The following SEMA5A variants were observed in gnomAD, a reference collection of about 807,000 sequenced individuals.
The protein encoded by SEMA5A is semaphorin-5A.
SEMA5A carries 55 observed loss-of-function variants against 135.5 expected under a neutral mutation model. The ratio of observed to expected loss-of-function variants is 0.41; its 90% CI spans 0.33 to 0.51. The LOEUF is 0.51. SEMA5A is among the 20% of genes least tolerant of loss of function. The pLI, the probability that SEMA5A is intolerant of heterozygous loss-of-function variation, is 0.37. For synonymous variants in SEMA5A, 580 were observed against 546.5 expected (o/e 1.06, Z -0.85); for missense variants, 1,290 against 1,419.9 (o/e 0.91, Z 1.47).
rs1748504478 is a variant in SEMA5A at position 9,246,794 on chromosome 5, C to G, written c.271-8904G>C. On this transcript the variant is annotated intron_variant, in intron 5 of 22. Transcript: ENST00000382496. ...CTTGACCAACACTAGGAAAACACAA[C>G]TTGATATAATGAAGCCTGCCTTGAA... Among the ~76,000 whole-genome samples the G allele has an allele frequency of 2.0e-5, 3 of 152,128 alleles. No homozygotes were observed. The South Asian group carries it at 6.2e-4, about 32-fold the overall frequency.
chr5:9,114,906 G>T (rs1740432203), intron 15 of SEMA5A, among the ~76,000 whole-genome samples: 1 of 152,184 alleles, frequency 6.6e-6, no homozygotes, highest in African/African-American at 2.4e-5. Flanking sequence ...AAAGATGAAA[G>T]AATTGGAGTA....
intron 16 of SEMA5A, among the ~76,000 whole-genome samples, chr5:9,107,655 C>T (rs7707844): frequency 0.12 from 17,525 of 152,088 alleles, 1,558 homozygotes; most frequent in East Asian, 0.32. Flanking sequence ...CCAGGATACT[C>T]TGAATTTCAA....
At chr5:9,053,901 C>T (rs2080960446) in intron 19 of SEMA5A, 186 bp downstream of exon 19, 2 of 567,630 alleles carry the variant, frequency 3.5e-6, no homozygotes, top group Non-Finnish European at 5.8e-6. Context: ...ATCTATAGCT[C>T]AGTGAGAACT....
intron 16 of SEMA5A, among the ~76,000 whole-genome samples, chr5:9,098,155 A>G (rs1328212568): frequency 6.6e-6 from 1 of 152,072 alleles, no homozygotes; most frequent in Admixed American, 6.6e-5. Flanking sequence ...AGGCAGAAGA[A>G]TCACTTGAAC....
Position 9,471,129 on chromosome 5 carries a change from G to A in SEMA5A, c.-174-33277C>T, listed in dbSNP as rs150117854. Among the ~76,000 whole-genome samples the A allele has an allele frequency of 1.2e-4, 18 of 152,262 alleles. No individual in the cohort carries two copies. The East Asian group carries it at 3.5e-3, about 29-fold the overall frequency. On this transcript the variant is annotated intron_variant, in intron 1 of 22. Coordinates refer to ENST00000382496, the MANE Select transcript of SEMA5A (RefSeq NM_003966.3). ...GCCTTGGAAAAGGTCAGGGCTCACT[G>A]ACATAGAGTCTAATTTAGGAACCAG... is the stretch of plus-strand genomic sequence containing the variant.
chr5:9,535,184 T>G (rs1460520928), intron 1 of SEMA5A, among the ~76,000 whole-genome samples: 2 of 141,590 alleles, frequency 1.4e-5, no homozygotes, highest in Non-Finnish European at 3.2e-5. Context: ...CAGGTGGGCC[T>G]GGAAAAACTG....
At chr5:9,354,448 T>C (rs1881181) in intron 3 of SEMA5A, among the ~76,000 whole-genome samples, 150,537 of 152,310 alleles carry the variant, frequency 0.99, 74,421 homozygotes, top group Non-Finnish European at 1. Flanking sequence ...AGACCCTTCC[T>C]GCTCTGGGCC....
chr5:9,323,248 CCTAA>C (rs1216441044), intron 4 of SEMA5A, among the ~76,000 whole-genome samples: 2 of 152,160 alleles, frequency 1.3e-5, no homozygotes, highest in African/African-American at 2.4e-5. Context: ...ATACACATTG[CCTAA>C]CTAAGTTCTA....
At chr5:9,163,698 T>A (rs1441498284) in intron 11 of SEMA5A, among the ~76,000 whole-genome samples, 1 of 152,128 alleles carries the variant, frequency 6.6e-6, no homozygotes, top group Non-Finnish European at 1.5e-5. Context: ...TAAAGTGATT[T>A]AAGGTAAAAT....
chr5:9,123,918 C>T (rs929238032), intron 13 of SEMA5A, among the ~76,000 whole-genome samples: 1 of 152,030 alleles, frequency 6.6e-6, no homozygotes, highest in Non-Finnish European at 1.5e-5. Context: ...GAGAGAACAC[C>T]CAACATGCTC....
In SEMA5A at chr5:9,192,580, G is replaced by C. The variant is rs74977176; in HGVS notation, c.1069-2109C>G. Among the ~76,000 whole-genome samples, 5 of 151,948 alleles carry C rather than the reference G, an allele frequency of 3.3e-5. No homozygotes were observed. In the East Asian group the frequency reaches 9.8e-4, roughly 30 times the overall value. On this transcript the variant is annotated intron_variant, in intron 10 of 22. Transcript: ENST00000382496. Reference sequence around the variant, plus strand: ...TGAATACACAAGTAGTTGTAATTGGGGGGGGGAGGGGATGTGCTAGGAAAG... The same window carrying C: ...TGAATACACAAGTAGTTGTAATTGGCGGGGGGAGGGGATGTGCTAGGAAAG...
intron 11 of SEMA5A, among the ~76,000 whole-genome samples, chr5:9,184,164 TTTTC>T (rs1032879509): frequency 2.0e-5 from 3 of 152,126 alleles, no homozygotes; most frequent in African/African-American, 7.2e-5. Context: ...TCAATTCACA[TTTTC>T]TTTTTCTCAG....
intron 2 of SEMA5A, among the ~76,000 whole-genome samples, chr5:9,389,495 T>C (rs544774056): frequency 6.6e-6 from 1 of 152,302 alleles, no homozygotes; most frequent in South Asian, 2.1e-4. Flanking sequence ...CTTCCTCTCA[T>C]AGCTAACTAC....
intron 4 of SEMA5A, among the ~76,000 whole-genome samples, chr5:9,331,826 C>T (rs1288612060): frequency 6.6e-6 from 1 of 152,226 alleles, no homozygotes. Context: ...AGCATAAAAA[C>T]AGCAAGTTAA....
intron 5 of SEMA5A, among the ~76,000 whole-genome samples, chr5:9,242,233 A>G (rs1748240383): frequency 6.6e-6 from 1 of 152,220 alleles, no homozygotes; most frequent in Admixed American, 6.5e-5. Context: ...ATGTCAACCT[A>G]TAACAGTAAC....
chr5:9,080,702 T>C (rs1738331703), intron 16 of SEMA5A, among the ~76,000 whole-genome samples: 1 of 152,176 alleles, frequency 6.6e-6, no homozygotes, highest in South Asian at 2.1e-4. Flanking sequence ...TGTGGTGTTG[T>C]GTGTCCTCAG....
intron 5 of SEMA5A, among the ~76,000 whole-genome samples, chr5:9,316,772 T>C (rs1331623657): frequency 6.6e-6 from 1 of 152,168 alleles, no homozygotes; most frequent in East Asian, 1.9e-4. Context: ...GTATCTCACA[T>C]ACTTTATTTA....
intron 2 of SEMA5A, among the ~76,000 whole-genome samples, chr5:9,423,176 C>T (rs1052198334): frequency 5.9e-5 from 9 of 152,124 alleles, no homozygotes; most frequent in African/African-American, 2.2e-4. Context: ...GGCTGACTTC[C>T]GACCACCTGC....
chr5:9,339,595 A>G (rs1219533627), intron 3 of SEMA5A, among the ~76,000 whole-genome samples: 1 of 152,236 alleles, frequency 6.6e-6, no homozygotes, highest in East Asian at 1.9e-4. Context: ...GAAATAATCA[A>G]AAAGAAAGGA....
Sources: gnomAD v4.1 joint callset for allele counts (sites outside exome capture counted in the v4.1 genomes callset) on GRCh38, gnomAD v4.1.1 for gene constraint, MANE v1.5 for transcripts, NCBI Gene and HGNC (gene_info 2026-07-23, HGNC 2026-07-21) for gene names.